PXDN: variants seen among roughly 807,000 people sequenced by gnomAD.
The protein encoded by PXDN is peroxidasin, also known as peroxidasin homolog.
In PXDN, 77 loss-of-function variants were observed where a neutral mutation model predicts 140.3. The observed-to-expected ratio is 0.55, with a 90% confidence interval of 0.46 to 0.66. PXDN has a LOEUF of 0.66. Ranked by LOEUF, PXDN falls within the 30% of genes least tolerant of loss-of-function variation. PXDN has a pLI of 0.00. For missense variants in PXDN, 1,838 were observed against 2,039.5 expected, an observed-to-expected ratio of 0.90 and a Z score of 1.90; for synonymous variants, 911 against 857.4, an observed-to-expected ratio of 1.06 and a Z score of -1.09.
At chr2:1,647,759 CCT>C (rs1682884206) in intron 17 of PXDN, among the ~76,000 whole-genome samples, 2 of 152,332 alleles carry the variant, frequency 1.3e-5, no homozygotes, top group Admixed American at 6.5e-5. Context: ...TCTCTCTGCC[CCT>C]GATACAACAG....
chr2:1,676,891 G>A, intron 8 of PXDN, 36 bp downstream of exon 8: 1 of 1,567,096 alleles, frequency 6.4e-7, no homozygotes, highest in Non-Finnish European at 8.7e-7. Flanking sequence ...AACTCCGAGA[G>A]ATGCACAGGG....
At chr2:1,665,879 A>G (rs1404254066) in intron 10 of PXDN, among the ~76,000 whole-genome samples, 5 of 152,138 alleles carry the variant, frequency 3.3e-5, no homozygotes, top group African/African-American at 9.7e-5. Context: ...TGTATCAACC[A>G]CCTTACTGCA....
intron 6 of PXDN, among the ~76,000 whole-genome samples, chr2:1,681,114 G>A (rs533209824): frequency 6.6e-6 from 1 of 152,244 alleles, no homozygotes; most frequent in South Asian, 2.1e-4. Context: ...AGCCAGGTGG[G>A]AAGGGGTCCC....
intron 1 of PXDN, among the ~76,000 whole-genome samples, chr2:1,707,222 T>C (rs1299442091): frequency 7.1e-6 from 1 of 140,316 alleles, no homozygotes; most frequent in Non-Finnish European, 1.6e-5. Flanking sequence ...AATTATACAA[T>C]CTAAGAGCAC....
Position 1,701,624 on chromosome 2 carries a change from C to T in PXDN, c.201-8490G>A, listed in dbSNP as rs372956790. On this transcript the variant is annotated intron_variant, in intron 1 of 22. Coordinates refer to ENST00000252804, the MANE Select transcript of PXDN (RefSeq NM_012293.3). The stretch of plus-strand genomic sequence containing the variant: ...GGGAGGTGCGGAATGGGGTGGGGGA[C>T]GCAGGATGGGGTCAGGGGTGTCCAG... 4.1e-4 allele frequency among the ~76,000 whole-genome samples: 63 copies of T among 152,002 alleles called. 1 individual carries two copies. Among genetic ancestry groups the T allele is most frequent in the African/African-American group, 1.3e-3 (55 of 41,480 alleles).
chr2:1,663,917 A>C, intron 11 of PXDN, 154 bp from the exon 12 acceptor site: 1 of 837,876 alleles, frequency 1.2e-6, no homozygotes, highest in Non-Finnish European at 1.9e-6. Flanking sequence ...TTGCCTCCCC[A>C]GCAGACACCA....
intron 9 of PXDN, among the ~76,000 whole-genome samples, chr2:1,668,075 A>AGTGCT (rs1264794584): frequency 6.6e-6 from 1 of 152,228 alleles, no homozygotes; most frequent in African/African-American, 2.4e-5. Context: ...CAGGAACCAA[A>AGTGCT]ACAACACGAT....
intron 1 of PXDN, among the ~76,000 whole-genome samples, chr2:1,710,344 A>G (rs1432878924): frequency 5.3e-5 from 8 of 152,188 alleles, no homozygotes; most frequent in African/African-American, 1.9e-4. Flanking sequence ...ACAAACACCC[A>G]GACCCAGGCC....
At chr2:1,711,000 C>CACCAGCACCCACTCT (rs1684757553) in intron 1 of PXDN, among the ~76,000 whole-genome samples, 1 of 51,678 alleles carries the variant, frequency 1.9e-5, no homozygotes, top group African/African-American at 6.8e-5. Context: ...GCACCCACTC[C>CACCAGCACCCACTCT]ACCAGCACCC....
chr2:1,680,405 G>A lies in PXDN; in HGVS notation c.561-43C>T, dbSNP rs1398625619. 1.9e-6 allele frequency: 3 copies of A among 1,607,182 alleles called. No individual in the cohort carries two copies. The Admixed American group carries it at 5.0e-5, about 27-fold the overall frequency. On this transcript the variant is annotated intron_variant, in intron 6 of 22. Transcript: ENST00000252804. ...CAGCCGGTGAGACATGGGGTGGCTG[G>A]GCTTGTCCATCCATCCATCAGACAG... is the stretch of plus-strand genomic sequence containing the variant.
Position 1,687,548 on chromosome 2 carries a change from G to T in PXDN, c.416+84C>A. On this transcript the variant is annotated intron_variant, in intron 4 of 22. Transcript: ENST00000252804. This position sits in a 1 kb window ranked among gnomAD's most constrained non-coding sequence, Gnocchi z 4.0. ...AGCATAGTCATGCATCATGCAAACA[G>T]CTAGCTCACTCCACTGGTCCCTACA... 2 of 1,086,730 alleles carry T rather than the reference G, an allele frequency of 1.8e-6. No individual in the cohort carries two copies. The highest frequency in any genetic ancestry group is 1.3e-6 in the Non-Finnish European group (1 of 763,836). The allele number at this position is 1,086,730 out of a possible 1,614,324, so 67.3% of individuals were successfully genotyped here. A position where few individuals can be genotyped will look rare whatever the true frequency, so the allele number is the denominator to read the frequency against.
intron 14 of PXDN, among the ~76,000 whole-genome samples, chr2:1,658,009 A>G (rs1221234510): frequency 2.8e-5 from 2 of 72,376 alleles, no homozygotes; most frequent in South Asian, 4.8e-4. Flanking sequence ...CCTCCTGAGC[A>G]CTCCATTTCA....
chr2:1,658,794 C>A (rs564403988), intron 14 of PXDN, among the ~76,000 whole-genome samples: 3,644 of 140,776 alleles, frequency 0.026, 89 homozygotes, highest in Non-Finnish European at 0.037. Context: ...AGGACCCCCC[C>A]ACTCTACTCT....
intron 9 of PXDN, among the ~76,000 whole-genome samples, chr2:1,668,708 T>C (rs1165619210): frequency 6.6e-6 from 1 of 152,014 alleles, no homozygotes; most frequent in Non-Finnish European, 1.5e-5. Context: ...AAGCTCATCA[T>C]CACTGGTCAT....
chr2:1,694,771 C>CA, intron 1 of PXDN, among the ~76,000 whole-genome samples: 1 of 152,306 alleles, frequency 6.6e-6, no homozygotes, highest in South Asian at 2.1e-4. Flanking sequence ...TGGAGGAAGA[C>CA]ACGGGAGGGG....
Position 1,639,186 on chromosome 2 carries a change from G to A in PXDN, c.4073+116C>T, listed in dbSNP as rs1353716166. On this transcript the variant is annotated intron_variant, in intron 20 of 22. Transcript: ENST00000252804. The surrounding 1 kb of genome is among the most constrained non-coding windows in gnomAD (Gnocchi z 5.0). ...GGCCTGGCCCCCAGTGCCCTGGGAC[G>A]TCCCTGCCAGGAACCATCCTCGCCA... 2.7e-5 allele frequency: 41 copies of A among 1,504,240 alleles called. No individual in the cohort carries two copies. Among genetic ancestry groups the A allele is most frequent in the East Asian group, 7.3e-5 (3 of 41,046 alleles). 93.2% of individuals were successfully genotyped at this position (1,504,240 alleles called of 1,614,324 possible). A position where few individuals can be genotyped will look rare whatever the true frequency, so the allele number is the denominator to read the frequency against.
intron 1 of PXDN, among the ~76,000 whole-genome samples, chr2:1,725,972 C>T (rs7599882): frequency 0.8 from 117,255 of 147,394 alleles, 47,064 homozygotes; most frequent in East Asian, 0.95. Flanking sequence ...ACTTTTACAC[C>T]GTTGGTGGGA....
chr2:1,710,515 C>T (rs1348092348), intron 1 of PXDN, among the ~76,000 whole-genome samples: 13 of 149,568 alleles, frequency 8.7e-5, no homozygotes, highest in Admixed American at 6.6e-4. Context: ...ACCCACTCTC[C>T]ACCAGGACCC....
rs550842649 is a variant in PXDN, at chr2:1,694,924, A to AG, written c.201-1791dup. ...CCCGTACCTGAGACACAGCAAGCTG[A>AG]GGGGCTTCCCAGCATTTGAACAGGT... is the stretch of plus-strand genomic sequence containing the variant. On this transcript the variant is annotated intron_variant, in intron 1 of 22. Coordinates refer to ENST00000252804, the MANE Select transcript of PXDN (RefSeq NM_012293.3). Among the ~76,000 whole-genome samples the AG allele has an allele frequency of 2.6e-3, 397 of 152,318 alleles. 1 individual carries two copies. The highest frequency in any genetic ancestry group is 9.2e-3 in the African/African-American group (383 of 41,584).
Sources: allele counts gnomAD v4.1 joint callset (sites outside exome capture counted in the v4.1 genomes callset), GRCh38; gene constraint gnomAD v4.1.1; non-coding constraint Gnocchi (gnomAD v3.1); transcripts MANE v1.5; gene names NCBI Gene and HGNC (gene_info 2026-07-23, HGNC 2026-07-21).